PDE8A: variants seen among roughly 807,000 people sequenced by gnomAD.
PDE8A encodes the protein phosphodiesterase 8A.
A neutral mutation model predicts 105.0 loss-of-function variants in PDE8A; 59 were observed. The ratio of observed to expected loss-of-function variants is 0.56; its 90% CI spans 0.46 to 0.70. PDE8A has a LOEUF of 0.70. Ranked by LOEUF, PDE8A falls within the 30% of genes least tolerant of loss-of-function variation. The pLI is 0.00. For missense variants in PDE8A, 1,014 were observed against 1,045.9 expected (o/e 0.97, Z 0.42); for synonymous variants, 355 against 371.9 (o/e 0.95, Z 0.52).
chr15:84,988,312 C>T (rs139999872), intron 1 of PDE8A, among the ~76,000 whole-genome samples: 196 of 152,324 alleles, frequency 1.3e-3, no homozygotes, highest in African/African-American at 4.5e-3. Context: ...ACAGATTTCA[C>T]AGGACAACTG....
chr15:85,077,002 G>A (rs1392396461), intron 5 of PDE8A, among the ~76,000 whole-genome samples: 1 of 151,958 alleles, frequency 6.6e-6, no homozygotes, highest in African/African-American at 2.4e-5. Context: ...GCAACATAAG[G>A]AGAACCTGCC....
chr15:85,110,718 A>T (rs111520337), intron 12 of PDE8A, among the ~76,000 whole-genome samples: 7 of 152,360 alleles, frequency 4.6e-5, no homozygotes, highest in African/African-American at 1.7e-4. Flanking sequence ...GCTGCTAAGA[A>T]TAAGAATGCC....
chr15:85,100,961 C>T (rs910092421), intron 11 of PDE8A, among the ~76,000 whole-genome samples: 6 of 152,204 alleles, frequency 3.9e-5, no homozygotes, highest in African/African-American at 1.4e-4. Context: ...CAGAACAGTT[C>T]ATTCTTTCAT....
At chr15:85,113,508 C>G in intron 13 of PDE8A, 61 bp downstream of exon 13, 1 of 1,393,410 alleles carries the variant, frequency 7.2e-7, no homozygotes. Flanking sequence ...CCCCAAGGAT[C>G]ATTTCCAATG....
intron 1 of PDE8A, among the ~76,000 whole-genome samples, chr15:85,057,081 C>T (rs1279034893): frequency 6.6e-6 from 1 of 152,172 alleles, no homozygotes; most frequent in East Asian, 1.9e-4. Flanking sequence ...GCTGGAGGTC[C>T]ACTCCAGACC....
intron 17 of PDE8A, among the ~76,000 whole-genome samples, 163 bp downstream of exon 17, chr15:85,118,002 G>C (rs2082123272): frequency 6.6e-6 from 1 of 152,180 alleles, no homozygotes; most frequent in Non-Finnish European, 1.5e-5. Flanking sequence ...CATTAGCTTT[G>C]GGAAATTGAT....
At chr15:85,017,614 C>T (rs28435132) in intron 1 of PDE8A, among the ~76,000 whole-genome samples, 2,826 of 152,186 alleles carry the variant, frequency 0.019, 81 homozygotes, top group African/African-American at 0.064. Context: ...AGACCGGACA[C>T]GGTGGCTCAC....
intron 11 of PDE8A, 102 bp from the exon 12 acceptor site, chr15:85,108,951 A>T (rs1427187348): frequency 1.3e-6 from 1 of 749,850 alleles, no homozygotes; most frequent in Admixed American, 2.4e-5. Context: ...GGCATTTAAA[A>T]CATTTAAAGT....
At chr15:85,009,110 AGTGTGTGTGTGTGT>A (rs56313426) in intron 1 of PDE8A, among the ~76,000 whole-genome samples, 1 of 64,112 alleles carries the variant, frequency 1.6e-5, no homozygotes, top group African/African-American at 4.6e-5. Context: ...AGAGAGAGAG[AGTGTGTGTGTGTGT>A]GTGTGTGTGT....
At chr15:85,054,844 T>G (rs904074628) in intron 1 of PDE8A, among the ~76,000 whole-genome samples, 10 of 152,350 alleles carry the variant, frequency 6.6e-5, no homozygotes, top group African/African-American at 1.9e-4. Context: ...ATTTCTTGCC[T>G]TCTGCTAGCT....
intron 1 of PDE8A, among the ~76,000 whole-genome samples, chr15:85,018,905 TACATTA>T (rs2080373243): frequency 6.6e-6 from 1 of 152,248 alleles, no homozygotes. Context: ...AAGTACCATT[TACATTA>T]AGGTTATTTA....
chr15:85,064,953 C>T (rs2081198998), intron 2 of PDE8A, among the ~76,000 whole-genome samples: 1 of 151,756 alleles, frequency 6.6e-6, no homozygotes. Context: ...GCCTGGGCAA[C>T]AGAGTGAGAC....
intron 5 of PDE8A, among the ~76,000 whole-genome samples, chr15:85,082,185 C>G (rs1003198676): frequency 1.3e-5 from 2 of 152,080 alleles, no homozygotes; most frequent in African/African-American, 4.8e-5. Flanking sequence ...TAGCATACTC[C>G]TCCCTTCTCA....
At chr15:85,046,296 G>A (rs1490978463) in intron 1 of PDE8A, among the ~76,000 whole-genome samples, 2 of 152,060 alleles carry the variant, frequency 1.3e-5, no homozygotes, top group Non-Finnish European at 2.9e-5. Flanking sequence ...TGATCTGCCC[G>A]CCTCGGCCTC....
intron 5 of PDE8A, among the ~76,000 whole-genome samples, chr15:85,081,979 C>G (rs76815369): frequency 9.7e-4 from 147 of 152,290 alleles, no homozygotes; most frequent in African/African-American, 3.4e-3. Flanking sequence ...GCCCTCACAT[C>G]CCAGAATCTT....
chr15:85,090,398 T>G (rs2081621790), intron 7 of PDE8A, among the ~76,000 whole-genome samples: 1 of 152,188 alleles, frequency 6.6e-6, no homozygotes, highest in Admixed American at 6.5e-5. Context: ...AATTATTGTT[T>G]TATCATCATC....
intron 8 of PDE8A, among the ~76,000 whole-genome samples, chr15:85,094,545 T>C (rs1200563942): frequency 2.6e-5 from 4 of 152,252 alleles, no homozygotes; most frequent in African/African-American, 9.6e-5. Context: ...TACTATCATC[T>C]TAATTGTCTA....
intron 1 of PDE8A, among the ~76,000 whole-genome samples, chr15:85,033,661 T>C (rs1156295518): frequency 1.3e-5 from 2 of 152,024 alleles, no homozygotes; most frequent in Non-Finnish European, 2.9e-5. Context: ...GGTCAGGAGC[T>C]CGAGACTAGC....
intron 1 of PDE8A, among the ~76,000 whole-genome samples, chr15:85,043,322 C>A (rs770837239): frequency 2.6e-5 from 4 of 152,114 alleles, no homozygotes; most frequent in Admixed American, 6.5e-5. Context: ...TGTAGACCCC[C>A]CTTTTCATTC....
Sources: gnomAD v4.1 joint callset for allele counts (sites outside exome capture counted in the v4.1 genomes callset) on GRCh38, gnomAD v4.1.1 for gene constraint, MANE v1.5 for transcripts, NCBI Gene and HGNC (gene_info 2026-07-23, HGNC 2026-07-21) for gene names.